GATA4: variants seen among roughly 807,000 people sequenced by gnomAD.
The protein encoded by GATA4 is GATA binding protein 4, also known as transcription factor GATA-4.
In GATA4, 7 loss-of-function variants were observed where a neutral mutation model predicts 37.9. That is an observed-to-expected ratio of 0.18 (90% CI 0.11 to 0.35). The LOEUF (loss-of-function observed/expected upper bound fraction) is 0.35, where lower values mean the gene tolerates loss of function less well. GATA4 is among the 10% of genes least tolerant of loss of function. GATA4 has a pLI of 1.00. For missense variants in GATA4, 647 were observed against 653.0 expected (o/e 0.99, Z 0.10); for synonymous variants, 372 against 292.6 (o/e 1.27, Z -2.77).
At chr8:11,757,742 C>A (rs1318515325) in intron 6 of GATA4, among the ~76,000 whole-genome samples, 1 of 152,234 alleles carries the variant, frequency 6.6e-6, no homozygotes, top group South Asian at 2.1e-4. Context: ...AGGACGATGG[C>A]GTCTCGGCCT....
intron 1 of GATA4, among the ~76,000 whole-genome samples, chr8:11,679,331 G>A (rs1798880259): frequency 6.6e-6 from 1 of 152,146 alleles, no homozygotes. Context: ...GGGAGGAAGG[G>A]GACGTTTCTA....
At chr8:11,684,637 CGCTTCTGTG>C (rs1353890518) in intron 1 of GATA4, among the ~76,000 whole-genome samples, 1 of 152,182 alleles carries the variant, frequency 6.6e-6, no homozygotes, top group Admixed American at 6.5e-5. Context: ...AATTACTTAA[CGCTTCTGTG>C]TTTCAGTTTC....
At chr8:11,735,923 T>C (rs1801432353) in intron 2 of GATA4, among the ~76,000 whole-genome samples, 2 of 152,150 alleles carry the variant, frequency 1.3e-5, no homozygotes, top group South Asian at 4.1e-4. Context: ...AAAAAAATTT[T>C]TTTTTGAGAT....
chr8:11,693,556 C>CAGAGAGAG (rs1240189470), intron 1 of GATA4, among the ~76,000 whole-genome samples: 30 of 103,672 alleles, frequency 2.9e-4, no homozygotes, highest in African/African-American at 8.9e-4. Context: ...CACACACACA[C>CAGAGAGAG]ACACACAGAG....
intron 2 of GATA4, among the ~76,000 whole-genome samples, chr8:11,724,005 A>G (rs1326090108): frequency 1.3e-5 from 2 of 152,018 alleles, no homozygotes; most frequent in African/African-American, 4.8e-5. Context: ...GGCAGCCCCC[A>G]TTGTGCTTTC....
intron 2 of GATA4, among the ~76,000 whole-genome samples, chr8:11,728,471 C>T (rs901328724): frequency 2.6e-5 from 4 of 152,232 alleles, no homozygotes; most frequent in South Asian, 4.1e-4. Context: ...TGGGCTCAAG[C>T]ACTCCGCCTT....
At chr8:11,729,119 A>G (rs557442200) in intron 2 of GATA4, among the ~76,000 whole-genome samples, 97 of 152,212 alleles carry the variant, frequency 6.4e-4, no homozygotes, top group African/African-American at 2.2e-3. Context: ...TATAATCCCA[A>G]CTACTCAGGA....
chr8:11,754,406 T>TG (rs535261716), intron 4 of GATA4, among the ~76,000 whole-genome samples: 119 of 152,248 alleles, frequency 7.8e-4, no homozygotes, highest in Admixed American at 2.3e-3. Context: ...TTTGTAGAGA[T>TG]GGGGTCTCAC....
At chr8:11,732,198 C>T (rs1160902145) in intron 2 of GATA4, among the ~76,000 whole-genome samples, 1 of 152,124 alleles carries the variant, frequency 6.6e-6, no homozygotes, top group African/African-American at 2.4e-5. Context: ...AGCTATTAAC[C>T]ATGTGTAATA....
rs1800055175 is a variant in GATA4 at position 11,709,314 on chromosome 8, G to A, written c.616+386G>A. 6.6e-6 allele frequency among the ~76,000 whole-genome samples: 1 copy of A among 152,210 alleles called. No homozygotes were observed. The highest frequency in any genetic ancestry group is 6.5e-5 in the Admixed American group (1 of 15,290). ...CGTGGAAGGTGCTGGAGATTGCTGA[G>A]TTTCTGCGCCCCTTTCCTCCCCGCC... On this transcript the variant is annotated intron_variant, in intron 2 of 6. Coordinates refer to ENST00000532059, the MANE Select transcript of GATA4 (RefSeq NM_001308093.3). The surrounding 1 kb of genome is among the most constrained non-coding windows in gnomAD (Gnocchi z 4.3).
rs560920283 is a variant in GATA4 at position 11,682,628 on chromosome 8, T to A, written c.-274+5565T>A. Among the ~76,000 whole-genome samples, 259 of 152,324 alleles carry A rather than the reference T, an allele frequency of 1.7e-3. 1 individual carries two copies. Among genetic ancestry groups the A allele is most frequent in the Non-Finnish European group, 2.9e-3 (200 of 68,032 alleles). ...TTAAAAAAAAATTCTAACAAAACTT[T>A]CCTTGAAGAAACAAAATTTTTAACG... On this transcript the variant is annotated intron_variant, in intron 1 of 6. Transcript: ENST00000528712.
rs902890630 is a variant in GATA4, at chr8:11,749,733, G to A, written c.787-378G>A. 3.3e-5 allele frequency among the ~76,000 whole-genome samples: 5 copies of A among 152,274 alleles called. No individual in the cohort carries two copies. Among genetic ancestry groups the A allele is most frequent in the Non-Finnish European group, 5.9e-5 (4 of 68,016 alleles). ...CAGACTTTGATACCATTTGGACACC[G>A]TGATTCCTCACTCTCTGCCTGCCCC... is the stretch of plus-strand genomic sequence containing the variant. On this transcript the variant is annotated intron_variant, in intron 3 of 6. Coordinates refer to ENST00000532059, the MANE Select transcript of GATA4 (RefSeq NM_001308093.3). This position sits in a 1 kb window ranked among gnomAD's most constrained non-coding sequence, Gnocchi z 4.6.
chr8:11,742,723 A>C (rs1400606173), intron 2 of GATA4, among the ~76,000 whole-genome samples: 1 of 152,260 alleles, frequency 6.6e-6, no homozygotes, highest in African/African-American at 2.4e-5. Context: ...CAGAAGACCC[A>C]GGGCTCAAGA....
intron 1 of GATA4, among the ~76,000 whole-genome samples, chr8:11,696,794 A>G (rs1203932171): frequency 6.6e-6 from 1 of 152,232 alleles, no homozygotes; most frequent in Non-Finnish European, 1.5e-5. Flanking sequence ...TCAGAGGTGC[A>G]GCAAAGACAG....
chr8:11,689,561 G>A (rs112599484), upstream of GATA4, among the ~76,000 whole-genome samples: 10 of 152,312 alleles, frequency 6.6e-5, no homozygotes, highest in East Asian at 1.4e-3. Context: ...AAGATATTCA[G>A]CCTAGAGGTG....
chr8:11,694,245 T>C, intron 1 of GATA4, among the ~76,000 whole-genome samples: 1 of 152,210 alleles, frequency 6.6e-6, no homozygotes, highest in East Asian at 1.9e-4. Flanking sequence ...TTGTAGCTCT[T>C]ATGAGGGAAT....
intron 2 of GATA4, among the ~76,000 whole-genome samples, chr8:11,713,826 T>A (rs2130105435): frequency 1.3e-5 from 2 of 152,326 alleles, no homozygotes; most frequent in South Asian, 4.1e-4. Flanking sequence ...TGCGGATAGT[T>A]CTTGCCTTGC....
chr8:11,697,702 G>C (rs1799546510), intron 1 of GATA4: 1 of 985,472 alleles, frequency 1.0e-6, no homozygotes, highest in Non-Finnish European at 1.2e-6. Flanking sequence ...TCGCACTTGG[G>C]CTTCGCGCTT....
At chr8:11,726,930 A>G (rs1800954432) in intron 2 of GATA4, among the ~76,000 whole-genome samples, 1 of 151,934 alleles carries the variant, frequency 6.6e-6, no homozygotes, top group Non-Finnish European at 1.5e-5. Context: ...GTTTTCACTC[A>G]TCTAGTTTGT....
Sources: allele counts gnomAD v4.1 joint callset (sites outside exome capture counted in the v4.1 genomes callset), GRCh38; gene constraint gnomAD v4.1.1; non-coding constraint Gnocchi (gnomAD v3.1); transcripts MANE v1.5; gene names NCBI Gene and HGNC (gene_info 2026-07-23, HGNC 2026-07-21).